Variants in SLC44A5 observed in about 807,000 individuals in gnomAD.
The protein encoded by SLC44A5 is choline transporter-like protein 5.
A neutral mutation model predicts 101.8 loss-of-function variants in SLC44A5; 57 were observed. That is an observed-to-expected ratio of 0.56 (90% CI 0.45 to 0.70). The LOEUF (loss-of-function observed/expected upper bound fraction) is 0.70, where lower values mean the gene tolerates loss of function less well. Among genes scored for constraint, SLC44A5 ranks in the 30% least tolerant of loss-of-function variants. The pLI is 0.00. For missense variants in SLC44A5, 737 were observed against 853.1 expected, an observed-to-expected ratio of 0.86 and a Z score of 1.70; for synonymous variants, 281 against 290.9, an observed-to-expected ratio of 0.97 and a Z score of 0.35.
intron 2 of SLC44A5, among the ~76,000 whole-genome samples, chr1:75,437,143 A>G (rs1349388573): frequency 6.6e-6 from 1 of 152,216 alleles, no homozygotes; most frequent in Non-Finnish European, 1.5e-5. Flanking sequence ...AATGAAAAGT[A>G]TAGTATAGGA....
At chr1:75,280,701 A>C (rs1325117906) in intron 5 of SLC44A5, among the ~76,000 whole-genome samples, 1 of 151,022 alleles carries the variant, frequency 6.6e-6, no homozygotes, top group African/African-American at 2.4e-5. Flanking sequence ...TGCTGTTCTC[A>C]TGATAGTGAG....
the SLC44A5 span, among the ~76,000 whole-genome samples, chr1:75,646,224 G>A: frequency 7.3e-6 from 1 of 136,070 alleles, no homozygotes; most frequent in Non-Finnish European, 1.6e-5. Flanking sequence ...ACCTTGGGCA[G>A]TATGGCCATT....
chr1:75,674,150 C>G, the SLC44A5 span, among the ~76,000 whole-genome samples: 1 of 151,792 alleles, frequency 6.6e-6, no homozygotes, highest in East Asian at 1.9e-4. Flanking sequence ...TGAGGAAGCT[C>G]AAAGACATTC....
At chr1:75,575,927 A>G (rs1673334441) in intron 1 of SLC44A5, among the ~76,000 whole-genome samples, 1 of 152,208 alleles carries the variant, frequency 6.6e-6, no homozygotes, top group African/African-American at 2.4e-5. Flanking sequence ...CAGGAATGGC[A>G]AGAACTTTTT....
At chr1:75,474,764 T>G (rs1052613346) in intron 2 of SLC44A5, among the ~76,000 whole-genome samples, 1 of 152,240 alleles carries the variant, frequency 6.6e-6, no homozygotes, top group Non-Finnish European at 1.5e-5. Flanking sequence ...TATTTAATTA[T>G]GATGTGAGTG....
intron 3 of SLC44A5, among the ~76,000 whole-genome samples, chr1:75,354,900 C>T (rs1288818809): frequency 6.6e-6 from 1 of 152,158 alleles, no homozygotes; most frequent in African/African-American, 2.4e-5. Flanking sequence ...GATTCTGACA[C>T]ATGGGATTCT....
intron 4 of SLC44A5, among the ~76,000 whole-genome samples, chr1:75,327,245 A>G (rs1656673404): frequency 6.6e-6 from 1 of 152,210 alleles, no homozygotes; most frequent in Non-Finnish European, 1.5e-5. Context: ...GGAGACTTCA[A>G]TCAGAAATAA....
rs144659203 is a variant in SLC44A5 at position 75,501,435 on chromosome 1, T to C, written c.13+40000A>G. 5.8e-3 allele frequency among the ~76,000 whole-genome samples: 888 copies of C among 152,316 alleles called. 4 individuals carry two copies. Among genetic ancestry groups the C allele is most frequent in the African/African-American group, 0.02 (851 of 41,574 alleles). On this transcript the variant is annotated intron_variant, in intron 2 of 23. Coordinates refer to ENST00000370859, the MANE Select transcript of SLC44A5 (RefSeq NM_001130058.2). ...AGAGATTGTTACTACATTCCCATAATTTGCACAAAACTAAAGATAGCAGAT... is the reference window on the plus strand; with the variant it reads ...AGAGATTGTTACTACATTCCCATAACTTGCACAAAACTAAAGATAGCAGAT...
rs58243679 is a variant in SLC44A5, at chr1:75,359,230, C to CTTTTTT, written c.53-19606_53-19601dup. ...TTATGTATATATGCCATTTTCTTTT[C>CTTTTTT]TTTTTTTTTTTTTTTTTTTCTTGAG... On this transcript the variant is annotated intron_variant, in intron 3 of 23. Coordinates refer to ENST00000370859, the MANE Select transcript of SLC44A5 (RefSeq NM_001130058.2). Among the ~76,000 whole-genome samples the CTTTTTT allele has an allele frequency of 5.5e-3, 598 of 108,718 alleles. 1 individual carries two copies. The highest frequency in any genetic ancestry group is 9.0e-3 in the East Asian group (33 of 3,668). 71.3% of individuals were successfully genotyped at this position (108,718 alleles called of 152,430 possible).
At chr1:75,404,366 C>T (rs1003046933) in intron 2 of SLC44A5, among the ~76,000 whole-genome samples, 7 of 152,084 alleles carry the variant, frequency 4.6e-5, no homozygotes, top group Admixed American at 3.9e-4. Flanking sequence ...AGATACTCCT[C>T]GAGGAGAGCA....
At chr1:75,666,613 A>C in the SLC44A5 span, among the ~76,000 whole-genome samples, 1 of 152,208 alleles carries the variant, frequency 6.6e-6, no homozygotes, top group African/African-American at 2.4e-5. Context: ...TCCTGATACC[A>C]AAACTGGGCA....
Position 75,242,054 on chromosome 1 carries a change from G to C in SLC44A5, c.479C>G (p.Thr160Arg). Residue 160 changes from threonine (T) to arginine (R), a missense_variant, in exon 9 of 24, where the codon ACA becomes AGA. Physicochemically the swap from Thr to Arg is moderately conservative, Grantham distance 71. Around this residue, in one of 3 missense-constraint regions of SLC44A5, gnomAD observed 665 missense variants for 764.4 expected, o/e 0.87. Coordinates refer to ENST00000370859, the MANE Select transcript of SLC44A5 (RefSeq NM_001130058.2). ...KTTAKPVKSL[T>R]QLLLDDDCPT... ...ACAATCATCATCCAGTAAAAGCTGT[G>C]TGAGAGACTAAAATAGAAGGAAGAA... 1 of 1,611,888 alleles carries C rather than the reference G, an allele frequency of 6.2e-7. No individual in the cohort carries two copies. Among genetic ancestry groups the C allele is most frequent in the Non-Finnish European group, 8.5e-7 (1 of 1,178,558 alleles).
rs537648761 is a variant in SLC44A5, at chr1:75,287,750, G to A, written c.176-12708C>T. 1.2e-3 allele frequency among the ~76,000 whole-genome samples: 181 copies of A among 152,222 alleles called. 1 individual carries two copies. Among genetic ancestry groups the A allele is most frequent in the Non-Finnish European group, 9.6e-4 (65 of 68,018 alleles). On this transcript the variant is annotated intron_variant, in intron 5 of 23. Coordinates refer to ENST00000370859, the MANE Select transcript of SLC44A5 (RefSeq NM_001130058.2). Reference sequence around the variant, plus strand: ...TCTAGCCACCCAGTGGAACTAAAGGGCTGTGCGCTGCTACTGGGGAGTGTC... The same window carrying A: ...TCTAGCCACCCAGTGGAACTAAAGGACTGTGCGCTGCTACTGGGGAGTGTC...
At chr1:75,658,559 T>C in the SLC44A5 span, among the ~76,000 whole-genome samples, 4 of 152,110 alleles carry the variant, frequency 2.6e-5, no homozygotes, top group Admixed American at 2.0e-4. Flanking sequence ...AGAAAGCAAT[T>C]ACAACATTTC....
At chr1:75,681,542 T>G in the SLC44A5 span, among the ~76,000 whole-genome samples, 1 of 151,626 alleles carries the variant, frequency 6.6e-6, no homozygotes, top group African/African-American at 2.4e-5. Context: ...AAAAGGCCTT[T>G]GACAAAATTC....
At chr1:75,537,610 T>C (rs534828511) in intron 2 of SLC44A5, among the ~76,000 whole-genome samples, 1 of 152,322 alleles carries the variant, frequency 6.6e-6, no homozygotes, top group East Asian at 1.9e-4. Context: ...CTGCCCATCA[T>C]CAAACTGAAC....
At chr1:75,228,622 T>C (rs187704814) in intron 12 of SLC44A5, among the ~76,000 whole-genome samples, 41 of 152,074 alleles carry the variant, frequency 2.7e-4, no homozygotes, top group African/African-American at 5.5e-4. Flanking sequence ...TTTGTGTCTA[T>C]ACTTCTTTTC....
At chr1:75,635,500 T>C in the SLC44A5 span, among the ~76,000 whole-genome samples, 1 of 151,968 alleles carries the variant, frequency 6.6e-6, no homozygotes, top group Non-Finnish European at 1.5e-5. Context: ...TGAGTTCATG[T>C]CCTTTGTAGG....
chr1:75,449,666 G>T lies in SLC44A5; in HGVS notation c.14-53045C>A, dbSNP rs556919146. On this transcript the variant is annotated intron_variant, in intron 2 of 23. Transcript: ENST00000370859. ...TTTAACCCAAGATCTAAGACGAGTG[G>T]TTTTTTTTCCCCAAGATAGAGGATA... is the stretch of plus-strand genomic sequence containing the variant. Among the ~76,000 whole-genome samples, 15 of 152,046 alleles carry T rather than the reference G, an allele frequency of 9.9e-5. No homozygotes were observed. In the South Asian group the frequency reaches 1.5e-3, roughly 15 times the overall value.
Sources: allele counts gnomAD v4.1 joint callset (sites outside exome capture counted in the v4.1 genomes callset), GRCh38; gene constraint gnomAD v4.1.1; regional missense constraint gnomAD v4.1.1; transcripts MANE v1.5; gene names NCBI Gene and HGNC (gene_info 2026-07-23, HGNC 2026-07-21).